Variants in PRKG1 observed in about 807,000 individuals in gnomAD.
PRKG1 encodes protein kinase cGMP-dependent 1.
Under a neutral mutation model 88.1 loss-of-function variants are expected in PRKG1, and 35 were observed. The observed-to-expected ratio is 0.40, with a 90% CI of 0.30 to 0.53. The LOEUF is 0.53. Among genes scored for constraint, PRKG1 ranks in the 20% least tolerant of loss-of-function variants. PRKG1 has a pLI of 0.59. For missense variants in PRKG1, 540 were observed against 839.8 expected (o/e 0.64, Z 4.41); for synonymous variants, 303 against 292.5 (o/e 1.04, Z -0.37).
At chr10:51,179,607 A>G (rs1448827428) in intron 2 of PRKG1, among the ~76,000 whole-genome samples, 2 of 152,214 alleles carry the variant, frequency 1.3e-5, no homozygotes, top group East Asian at 3.8e-4. Flanking sequence ...TCATGTGATA[A>G]TAGATTGGTC....
chr10:52,042,574 C>T (rs746503765), intron 5 of PRKG1, among the ~76,000 whole-genome samples: 4 of 151,920 alleles, frequency 2.6e-5, no homozygotes, highest in Non-Finnish European at 5.9e-5. Context: ...AAATGAACTT[C>T]AAATGGATTA....
chr10:51,037,372 G>A (rs950618888), intron 1 of PRKG1, among the ~76,000 whole-genome samples: 5 of 152,180 alleles, frequency 3.3e-5, no homozygotes, highest in African/African-American at 1.2e-4. Context: ...GCTGAGGTGG[G>A]AGGATCCTTT....
intron 2 of PRKG1, among the ~76,000 whole-genome samples, chr10:51,354,624 T>C (rs1842326297): frequency 6.6e-6 from 1 of 152,156 alleles, no homozygotes; most frequent in Admixed American, 6.5e-5. Context: ...TAACATCCTG[T>C]TTCCAACTGG....
intron 4 of PRKG1, 34 bp downstream of exon 4, chr10:51,804,724 T>C (rs200776857): frequency 4.2e-6 from 6 of 1,435,740 alleles, no homozygotes; most frequent in Admixed American, 1.7e-5. Flanking sequence ...TGAGAGTGTT[T>C]ACTTTCCTTT....
intron 1 of PRKG1, among the ~76,000 whole-genome samples, chr10:51,057,907 C>A (rs1014825718): frequency 2.6e-5 from 4 of 151,992 alleles, no homozygotes; most frequent in Non-Finnish European, 5.9e-5. Context: ...TATGGGATAG[C>A]CATATAATTA....
intron 1 of PRKG1, among the ~76,000 whole-genome samples, chr10:51,018,745 G>T (rs554885807): frequency 6.6e-6 from 1 of 152,278 alleles, no homozygotes; most frequent in African/African-American, 2.4e-5. Context: ...TCTCTAGATA[G>T]TAGGGCTCAA....
intron 3 of PRKG1, among the ~76,000 whole-genome samples, chr10:51,632,289 A>G (rs1042603400): frequency 1.3e-5 from 2 of 152,200 alleles, no homozygotes; most frequent in Non-Finnish European, 2.9e-5. Flanking sequence ...GTGATTTTAA[A>G]GAATATACTG....
chr10:51,484,624 T>C (rs565686269), intron 3 of PRKG1, among the ~76,000 whole-genome samples: 1 of 152,240 alleles, frequency 6.6e-6, no homozygotes, highest in Non-Finnish European at 1.5e-5. Context: ...TCTGTTTCAA[T>C]CAAAGTTTTA....
At chr10:52,053,894 T>C (rs1033432207) in intron 5 of PRKG1, among the ~76,000 whole-genome samples, 1 of 152,096 alleles carries the variant, frequency 6.6e-6, no homozygotes, top group Non-Finnish European at 1.5e-5. Flanking sequence ...GTAACTAGGG[T>C]CGTCTAACCC....
At chr10:51,847,193 C>T (rs1164216786) in intron 4 of PRKG1, among the ~76,000 whole-genome samples, 6 of 152,110 alleles carry the variant, frequency 3.9e-5, no homozygotes, top group African/African-American at 1.4e-4. Flanking sequence ...TTTTGTGTTT[C>T]TAATTTCCAA....
chr10:51,414,496 C>T (rs945052607), intron 2 of PRKG1, among the ~76,000 whole-genome samples: 21 of 152,106 alleles, frequency 1.4e-4, no homozygotes, highest in African/African-American at 3.9e-4. Context: ...AGGTGTGTAA[C>T]GAGCTATGAA....
At position 51,024,972 on chromosome 10, in the gene PRKG1, G is replaced by A. The variant is rs190180567; in HGVS notation, c.266+33328G>A. 1.1e-4 allele frequency among the ~76,000 whole-genome samples: 16 copies of A among 152,220 alleles called. No homozygotes were observed. The East Asian group carries it at 3.1e-3, about 29-fold the overall frequency. On this transcript the variant is annotated intron_variant, in intron 1 of 17. Coordinates refer to the PRKG1 transcript ENST00000401604. ...CCATATCAGTAACCATAAATCCTGAGCTCCTGTGTGCCATACCATGGCTCA... is the reference window on the plus strand; with the variant it reads ...CCATATCAGTAACCATAAATCCTGAACTCCTGTGTGCCATACCATGGCTCA...
chr10:51,270,190 G>A (rs1488808634), intron 2 of PRKG1, among the ~76,000 whole-genome samples: 3 of 152,136 alleles, frequency 2.0e-5, no homozygotes, highest in Non-Finnish European at 4.4e-5. Flanking sequence ...ATCTAGATTT[G>A]TAAAATGTAT....
intron 3 of PRKG1, among the ~76,000 whole-genome samples, chr10:51,630,869 G>A (rs767981550): frequency 2.6e-4 from 39 of 152,190 alleles, no homozygotes; most frequent in Admixed American, 5.2e-4. Flanking sequence ...GCTGTGGTTA[G>A]CCACTGAATG....
chr10:52,105,233 C>T (rs114911147), intron 7 of PRKG1, among the ~76,000 whole-genome samples: 1 of 151,974 alleles, frequency 6.6e-6, no homozygotes, highest in African/African-American at 2.4e-5. Flanking sequence ...ATATATGGGT[C>T]CAAATTGTCT....
chr10:51,227,178 A>T (rs990827019), intron 2 of PRKG1, among the ~76,000 whole-genome samples: 6 of 150,138 alleles, frequency 4.0e-5, no homozygotes, highest in South Asian at 2.1e-4. Context: ...ACATATATTT[A>T]TATATATATA....
At chr10:51,022,930 G>A (rs1304459490) in intron 1 of PRKG1, among the ~76,000 whole-genome samples, 2 of 152,186 alleles carry the variant, frequency 1.3e-5, no homozygotes, top group African/African-American at 4.8e-5. Flanking sequence ...CCTGGAGGTG[G>A]AGGTTGTAGT....
chr10:52,007,097 A>C (rs963237041), intron 5 of PRKG1, among the ~76,000 whole-genome samples: 1 of 152,246 alleles, frequency 6.6e-6, no homozygotes, highest in Non-Finnish European at 1.5e-5. Flanking sequence ...TGTTACGACT[A>C]GACCTGCCTT....
At chr10:51,471,839 C>T (rs1840056953) in intron 3 of PRKG1, among the ~76,000 whole-genome samples, 1 of 151,794 alleles carries the variant, frequency 6.6e-6, no homozygotes, top group South Asian at 2.1e-4. Context: ...AGGAAAACAT[C>T]TTGGTGCCTG....
Sources: allele counts gnomAD v4.1 joint callset (sites outside exome capture counted in the v4.1 genomes callset), GRCh38; gene constraint gnomAD v4.1.1; transcripts MANE v1.5; gene names NCBI Gene and HGNC (gene_info 2026-07-23, HGNC 2026-07-21).